SYNDIG1: variants seen among roughly 807,000 people sequenced by gnomAD.
SYNDIG1 encodes synapse differentiation-inducing gene protein 1.
A neutral mutation model predicts 19.4 loss-of-function variants in SYNDIG1; 9 were observed. The observed-to-expected ratio is 0.46, with a 90% CI of 0.28 to 0.81. The LOEUF (loss-of-function observed/expected upper bound fraction) is 0.81. Ranked by LOEUF, SYNDIG1 falls within the 30% of genes least tolerant of loss-of-function variation. The pLI, the probability that SYNDIG1 is intolerant of heterozygous loss-of-function variation, is 0.12. For missense variants in SYNDIG1, 311 were observed against 343.3 expected, an observed-to-expected ratio of 0.91 and a Z score of 0.74; for synonymous variants, 141 against 145.9, an observed-to-expected ratio of 0.97 and a Z score of 0.24.
At chr20:24,533,602 T>G (rs1009790756) in intron 1 of SYNDIG1, among the ~76,000 whole-genome samples, 5 of 151,656 alleles carry the variant, frequency 3.3e-5, no homozygotes, top group Non-Finnish European at 7.4e-5. Flanking sequence ...CATAGACAAA[T>G]GCTGTGTTGT....
At chr20:24,536,955 C>T (rs964920640) in intron 1 of SYNDIG1, among the ~76,000 whole-genome samples, 4 of 152,274 alleles carry the variant, frequency 2.6e-5, no homozygotes, top group South Asian at 4.1e-4. Context: ...AGAGGACCAC[C>T]GCATCTGTCA....
chr20:24,613,721 A>C (rs988223973), intron 3 of SYNDIG1, among the ~76,000 whole-genome samples: 11 of 152,280 alleles, frequency 7.2e-5, no homozygotes, highest in Non-Finnish European at 7.4e-5. Flanking sequence ...GCGCCCCTGC[A>C]GCTCTTCTCC....
At chr20:24,636,408 G>A (rs534681760) in intron 3 of SYNDIG1, among the ~76,000 whole-genome samples, 26 of 152,216 alleles carry the variant, frequency 1.7e-4, no homozygotes, top group Non-Finnish European at 3.7e-4. Flanking sequence ...AGGGGCACCT[G>A]AGTGGGTCTT....
chr20:24,624,604 C>G (rs991913469), intron 3 of SYNDIG1, among the ~76,000 whole-genome samples: 16 of 152,142 alleles, frequency 1.1e-4, no homozygotes, highest in African/African-American at 3.9e-4. Flanking sequence ...GATTTTCATG[C>G]TCATTTGTCA....
chr20:24,513,536 T>A (rs1297812272), intron 1 of SYNDIG1, among the ~76,000 whole-genome samples: 2 of 152,038 alleles, frequency 1.3e-5, no homozygotes, highest in Admixed American at 6.6e-5. Flanking sequence ...TGATTGAAGA[T>A]CAAATGAATG....
At chr20:24,616,933 G>A (rs979908831) in intron 3 of SYNDIG1, among the ~76,000 whole-genome samples, 4 of 152,150 alleles carry the variant, frequency 2.6e-5, no homozygotes, top group Non-Finnish European at 4.4e-5. Flanking sequence ...ACCAGGCCAC[G>A]TAGCAGAGCC....
Position 24,640,513 on chromosome 20 carries a change from GGAAGGAAGGAAGGAA to G in SYNDIG1, c.619-24831_619-24817del, listed in dbSNP as rs1411954686. 1.5e-3 allele frequency among the ~76,000 whole-genome samples: 225 copies of G among 145,500 alleles called. 4 individuals are homozygous for G. The highest frequency in any genetic ancestry group is 0.011 in the East Asian group (56 of 5,026). On this transcript the variant is annotated intron_variant, in intron 3 of 3. Transcript: ENST00000376862. ...AGGAAGGAAGGAAGGAAGGAAGGAAGGAAGGAAGGAAGGAAGGAGCTTTTCTTCAAATAATTAAAG... is the reference window on the plus strand; with the variant it reads ...AGGAAGGAAGGAAGGAAGGAAGGAAGGGAGCTTTTCTTCAAATAATTAAAG...
chr20:24,536,281 T>C (rs1018085779), intron 1 of SYNDIG1, among the ~76,000 whole-genome samples: 10 of 152,270 alleles, frequency 6.6e-5, no homozygotes, highest in Admixed American at 3.9e-4. Flanking sequence ...GGGAGCCACA[T>C]TCCCGTGGGT....
intron 2 of SYNDIG1, among the ~76,000 whole-genome samples, chr20:24,583,290 C>G (rs1463988977): frequency 5.9e-5 from 9 of 152,220 alleles, no homozygotes; most frequent in Admixed American, 2.6e-4. Flanking sequence ...GGTGGGCCCA[C>G]CTGCACTTTT....
At chr20:24,555,245 C>CA (rs969039803) in intron 2 of SYNDIG1, among the ~76,000 whole-genome samples, 1 of 152,132 alleles carries the variant, frequency 6.6e-6, no homozygotes, top group Admixed American at 6.5e-5. Context: ...TTGATCCTTT[C>CA]AAAAAAACCA....
chr20:24,590,621 G>A (rs1342000996), intron 3 of SYNDIG1, among the ~76,000 whole-genome samples: 1 of 152,146 alleles, frequency 6.6e-6, no homozygotes, highest in Non-Finnish European at 1.5e-5. Flanking sequence ...GGCTTAGGTT[G>A]CAGTGTGAAA....
chr20:24,666,422 T>A lies in SYNDIG1; in HGVS notation c.*918T>A, dbSNP rs1184113635. 1 of 152,674 alleles carries A rather than the reference T, an allele frequency of 6.5e-6. No homozygotes were observed. The highest frequency in any genetic ancestry group is 1.9e-4 in the East Asian group (1 of 5,198). The allele number at this position is 152,674 out of a possible 1,614,324, so 9.5% of individuals were successfully genotyped here. A position where few individuals can be genotyped will look rare whatever the true frequency, so the allele number is the denominator to read the frequency against. ...ATGAGATGGGCCTTACTCTGTCGAC[T>A]AAATGAATAGCTATTTTCTTGTCAT... On this transcript the variant is annotated 3_prime_UTR_variant, in exon 4 of 4. Transcript: ENST00000376862.
chr20:24,568,065 C>T (rs537873408), intron 2 of SYNDIG1, among the ~76,000 whole-genome samples: 2 of 152,150 alleles, frequency 1.3e-5, no homozygotes, highest in East Asian at 3.9e-4. Flanking sequence ...CGCTTGAATC[C>T]GGGAGGCAGA....
chr20:24,618,647 T>G (rs2058987214), intron 3 of SYNDIG1, among the ~76,000 whole-genome samples: 1 of 152,232 alleles, frequency 6.6e-6, no homozygotes, highest in Non-Finnish European at 1.5e-5. Flanking sequence ...AGAGGTTCTG[T>G]GTTAAAAATG....
chr20:24,517,643 T>C (rs1192194176), intron 1 of SYNDIG1, among the ~76,000 whole-genome samples: 4 of 144,224 alleles, frequency 2.8e-5, no homozygotes, highest in Non-Finnish European at 4.5e-5. Flanking sequence ...TATATATATA[T>C]ATACACATAT....
chr20:24,653,412 C>T (rs776341431), intron 3 of SYNDIG1, among the ~76,000 whole-genome samples: 1 of 152,224 alleles, frequency 6.6e-6, no homozygotes, highest in Admixed American at 6.5e-5. Context: ...AAGTTGTAAT[C>T]GGTAAAGCAC....
intron 1 of SYNDIG1, among the ~76,000 whole-genome samples, chr20:24,477,262 C>T (rs551248274): frequency 6.6e-6 from 1 of 152,324 alleles, no homozygotes; most frequent in Admixed American, 6.5e-5. Context: ...TTAGTGAGTG[C>T]TGGGGTGACC....
At chr20:24,646,856 G>A (rs1236130792) in intron 3 of SYNDIG1, among the ~76,000 whole-genome samples, 1 of 152,068 alleles carries the variant, frequency 6.6e-6, no homozygotes, top group Non-Finnish European at 1.5e-5. Context: ...TCTGACCTCA[G>A]GTGATCCACC....
rs371527396 is a variant in SYNDIG1 at position 24,543,403 on chromosome 20, G to C, written c.306G>C (p.Trp102Cys). The C allele has an allele frequency of 3.1e-6, 5 of 1,613,686 alleles. No individual in the cohort carries two copies. The highest frequency in any genetic ancestry group is 1.1e-5 in the South Asian group (1 of 91,064). ...ILYSEGVLRS[W>C]GDGVAADCCE... is the part of the protein sequence containing the mutation. ...ATTCAGAGGGCGTGCTGCGCTCCTG[G>C]GGGGACGGTGTGGCCGCCGACTGCT... Residue 102 changes from tryptophan (W) to cysteine (C), a missense_variant, in exon 2 of 4, where the codon TGG becomes TGC. Coordinates refer to ENST00000376862, the MANE Select transcript of SYNDIG1 (RefSeq NM_024893.3).
Sources: gnomAD v4.1 joint callset for allele counts (sites outside exome capture counted in the v4.1 genomes callset) on GRCh38, gnomAD v4.1.1 for gene constraint, MANE v1.5 for transcripts, NCBI Gene and HGNC (gene_info 2026-07-23, HGNC 2026-07-21) for gene names.